The following SHANK2 variants were observed in gnomAD, a reference collection of about 807,000 sequenced individuals.
SHANK2 encodes the protein SH3 and multiple ankyrin repeat domains 2.
Under a neutral mutation model 133.7 loss-of-function variants are expected in SHANK2, and 43 were observed. That is an observed-to-expected ratio of 0.32 (90% CI 0.25 to 0.41). The LOEUF (loss-of-function observed/expected upper bound fraction) is 0.41, where lower values mean the gene tolerates loss of function less well. SHANK2 is among the 10% of genes least tolerant of loss of function. SHANK2 has a pLI of 1.00. For missense variants in SHANK2, 1,994 were observed against 2,235.8 expected (o/e 0.89, Z 2.18); for synonymous variants, 1,017 against 952.8 (o/e 1.07, Z -1.24).
In SHANK2 at chr11:70,613,763, G is replaced by GTTTTTTTTT. The variant is rs57180024; in HGVS notation, c.2061+46056_2061+46064dup. On this transcript the variant is annotated intron_variant, in intron 17 of 25. Transcript: ENST00000601538. ...TGTCCTTGTAAGAAGAGGGGAACTT[G>GTTTTTTTTT]TTTTTTTTTTTTTTTCTTTGAGATG... Among the ~76,000 whole-genome samples, 29 of 123,758 alleles carry GTTTTTTTTT rather than the reference G, an allele frequency of 2.3e-4. 2 individuals are homozygous for GTTTTTTTTT. Among genetic ancestry groups the GTTTTTTTTT allele is most frequent in the African/African-American group, 4.3e-4 (14 of 32,256 alleles). The allele number at this position is 123,758 out of a possible 152,430, so 81.2% of individuals were successfully genotyped here. A position where few individuals can be genotyped will look rare whatever the true frequency, so the allele number is the denominator to read the frequency against.
intron 2 of SHANK2, among the ~76,000 whole-genome samples, chr11:71,149,227 G>A (rs1238156674): frequency 1.6e-4 from 24 of 152,278 alleles, no homozygotes; most frequent in Non-Finnish European, 2.8e-4. Context: ...AGAACAGCTC[G>A]CTGCCTTCCC....
intron 2 of SHANK2, among the ~76,000 whole-genome samples, chr11:71,211,726 C>A (rs955835527): frequency 8.6e-5 from 13 of 151,702 alleles, no homozygotes; most frequent in Non-Finnish European, 1.6e-4. Flanking sequence ...CTCTCCCCAA[C>A]CACTAATTAT....
At chr11:71,199,766 C>T (rs570421784) in intron 2 of SHANK2, among the ~76,000 whole-genome samples, 9 of 152,260 alleles carry the variant, frequency 5.9e-5, no homozygotes, top group South Asian at 2.1e-4. Context: ...TAATCCCCTG[C>T]GCTGGAAAGA....
At chr11:70,645,168 G>A (rs782226207) in intron 17 of SHANK2, among the ~76,000 whole-genome samples, 3 of 152,118 alleles carry the variant, frequency 2.0e-5, no homozygotes, top group African/African-American at 2.4e-5. Context: ...CCGAGATCAC[G>A]CCACTGCACT....
At chr11:70,645,345 C>A (rs1473800787) in intron 17 of SHANK2, among the ~76,000 whole-genome samples, 3 of 152,062 alleles carry the variant, frequency 2.0e-5, no homozygotes, top group African/African-American at 7.2e-5. Context: ...TCTAGGGGGG[C>A]TATAGGCTGG....
chr11:71,224,880 T>C (rs1038033931), intron 1 of SHANK2, 84 bp from the exon 2 acceptor site: 4 of 152,232 alleles, frequency 2.6e-5, no homozygotes, highest in African/African-American at 7.2e-5. Flanking sequence ...GATTCTGATA[T>C]TTCTGTGCTA....
At chr11:71,101,952 G>T (rs1555096714) in intron 6 of SHANK2, among the ~76,000 whole-genome samples, 1 of 152,168 alleles carries the variant, frequency 6.6e-6, no homozygotes, top group East Asian at 1.9e-4. Flanking sequence ...CATCAGTGAG[G>T]TCCAGACACA....
At chr11:71,059,595 C>T (rs1355075034) in intron 9 of SHANK2, among the ~76,000 whole-genome samples, 6 of 152,270 alleles carry the variant, frequency 3.9e-5, no homozygotes, top group African/African-American at 1.4e-4. Context: ...GTCGGGCAGG[C>T]CAGGAGCACA....
intron 2 of SHANK2, among the ~76,000 whole-genome samples, chr11:71,149,775 T>C: frequency 8.7e-6 from 1 of 114,784 alleles, no homozygotes; most frequent in African/African-American, 3.6e-5. Flanking sequence ...GGTAGATGGA[T>C]GGATGGATGA....
chr11:70,565,694 T>C (rs1554981781), intron 17 of SHANK2, among the ~76,000 whole-genome samples: 2 of 152,248 alleles, frequency 1.3e-5, no homozygotes, highest in Middle Eastern at 3.2e-3. Flanking sequence ...CTATCATTTA[T>C]TACCTGGTGT....
intron 2 of SHANK2, among the ~76,000 whole-genome samples, chr11:71,152,321 C>A (rs1952814001): frequency 6.6e-6 from 1 of 152,202 alleles, no homozygotes; most frequent in Non-Finnish European, 1.5e-5. Context: ...ACCATGTTGG[C>A]CAGGCTGGTC....
At chr11:70,845,214 A>C (rs549940002) in intron 11 of SHANK2, among the ~76,000 whole-genome samples, 1 of 150,292 alleles carries the variant, frequency 6.7e-6, no homozygotes, top group African/African-American at 2.5e-5. Context: ...AAAAAAAAAA[A>C]AAAAAGAAAA....
intron 10 of SHANK2, among the ~76,000 whole-genome samples, chr11:70,938,775 A>G (rs984567124): frequency 1.2e-4 from 19 of 152,176 alleles, no homozygotes; most frequent in African/African-American, 4.6e-4. Context: ...GCCAGAGGTC[A>G]GAGTCAGGCT....
chr11:70,899,059 G>C (rs1425247605), intron 10 of SHANK2, among the ~76,000 whole-genome samples: 1 of 152,182 alleles, frequency 6.6e-6, no homozygotes, highest in Non-Finnish European at 1.5e-5. Flanking sequence ...TCCACCCCTT[G>C]GTTTCAACAG....
chr11:70,782,070 C>T (rs1421436791), intron 14 of SHANK2, among the ~76,000 whole-genome samples: 1 of 152,140 alleles, frequency 6.6e-6, no homozygotes, highest in Non-Finnish European at 1.5e-5. Context: ...AATGAGAATA[C>T]TTATTTATTT....
At chr11:70,818,587 T>G (rs1948452497) in intron 12 of SHANK2, among the ~76,000 whole-genome samples, 1 of 152,198 alleles carries the variant, frequency 6.6e-6, no homozygotes, top group South Asian at 2.1e-4. Context: ...ATTGGCTGCC[T>G]CGGGGGAGCC....
intron 1 of SHANK2, among the ~76,000 whole-genome samples, chr11:71,236,716 C>T (rs1954829715): frequency 6.6e-6 from 1 of 152,216 alleles, no homozygotes; most frequent in African/African-American, 2.4e-5. Flanking sequence ...TGTCCATTCC[C>T]TCATGTATTG....
chr11:71,209,651 A>T (rs1954210142), intron 2 of SHANK2, among the ~76,000 whole-genome samples: 1 of 152,198 alleles, frequency 6.6e-6, no homozygotes, highest in South Asian at 2.1e-4. Flanking sequence ...AACACACAGC[A>T]GACAGGAACC....
Position 70,859,381 on chromosome 11 carries a change from G to T in SHANK2, c.1174+37120C>A, listed in dbSNP as rs369871481. Among the ~76,000 whole-genome samples the T allele has an allele frequency of 1.4e-4, 22 of 152,246 alleles. No homozygotes were observed. The South Asian group carries it at 4.6e-3, about 32-fold the overall frequency. On this transcript the variant is annotated intron_variant, in intron 11 of 25. Coordinates refer to ENST00000601538, the MANE Select transcript of SHANK2 (RefSeq NM_012309.5). ...AAGTTGGTAGGCAAGCGAGTAGGTG[G>T]ACGGAAAGATGGGTAGATGGGTGGG... is the stretch of plus-strand genomic sequence containing the variant.
Sources: gnomAD v4.1 joint callset for allele counts (sites outside exome capture counted in the v4.1 genomes callset) on GRCh38, gnomAD v4.1.1 for gene constraint, MANE v1.5 for transcripts, NCBI Gene and HGNC (gene_info 2026-07-23, HGNC 2026-07-21) for gene names.